The following R3HCC1L variants were observed in gnomAD, a reference collection of about 807,000 sequenced individuals.
The protein encoded by R3HCC1L is R3H domain and coiled-coil containing 1 like, also known as coiled-coil domain-containing protein R3HCC1L.
A neutral mutation model predicts 59.9 loss-of-function variants in R3HCC1L; 51 were observed. The ratio of observed to expected loss-of-function variants is 0.85; its 90% confidence interval spans 0.68 to 1.07. The LOEUF (loss-of-function observed/expected upper bound fraction) is 1.07. Ranked by LOEUF, R3HCC1L falls within the 50% of genes least tolerant of loss-of-function variation. The pLI, the probability that R3HCC1L is intolerant of heterozygous loss-of-function variation, is 0.00. For missense variants in R3HCC1L, 965 were observed against 933.0 expected (o/e 1.03, Z -0.45); for synonymous variants, 322 against 315.2 (o/e 1.02, Z -0.23).
intron 4 of R3HCC1L, among the ~76,000 whole-genome samples, chr10:98,207,777 G>A (rs1286953446): frequency 6.6e-6 from 1 of 151,880 alleles, no homozygotes; most frequent in Non-Finnish European, 1.5e-5. Context: ...GACAAAGGTG[G>A]GTAGATTGCC....
At chr10:98,216,085 T>C (rs1181836845) in intron 5 of R3HCC1L, among the ~76,000 whole-genome samples, 1 of 152,234 alleles carries the variant, frequency 6.6e-6, no homozygotes, top group East Asian at 1.9e-4. Context: ...TTTGAAATTT[T>C]GTTTTCTTTT....
At chr10:98,224,257 G>A (rs1041041037) in intron 5 of R3HCC1L, among the ~76,000 whole-genome samples, 3 of 152,028 alleles carry the variant, frequency 2.0e-5, no homozygotes, top group East Asian at 1.9e-4. Context: ...GCATAATGTG[G>A]CATATTTTTT....
rs1846357117 is a variant in R3HCC1L, at chr10:98,152,766, C to T, written c.-267-3327C>T. Among the ~76,000 whole-genome samples, 4 of 149,476 alleles carry T rather than the reference C, an allele frequency of 2.7e-5. 2 individuals carry two copies. In the Admixed American group the frequency reaches 2.7e-4, roughly 10 times the overall value. ...CCCCTCCGCCTGGCAGCCGCCCCGTCTGAGAAGTGAGGAGCCCCTCCGCCC... is the reference window on the plus strand; with the variant it reads ...CCCCTCCGCCTGGCAGCCGCCCCGTTTGAGAAGTGAGGAGCCCCTCCGCCC... On this transcript the variant is annotated intron_variant, in intron 1 of 9. Coordinates refer to ENST00000298999, the MANE Select transcript of R3HCC1L (RefSeq NM_001351015.2).
At chr10:98,150,877 A>G (rs181042677) in intron 1 of R3HCC1L, among the ~76,000 whole-genome samples, 179 of 152,218 alleles carry the variant, frequency 1.2e-3, no homozygotes, top group African/African-American at 4.0e-3. Flanking sequence ...AACTGCCTGT[A>G]ATTTGAGGCA....
rs2135278274 is a variant in R3HCC1L, at chr10:98,209,615, T to A, written c.1501T>A (p.Ser501Thr). Residue 501 changes from serine to threonine, a missense_variant, in exon 5 of 10, where the codon TCA becomes ACA. Physicochemically the swap from Ser to Thr is moderately conservative, Grantham distance 58. Transcript: ENST00000298999. ...TATGTTAAATGGGACAAAAGTTCTT[T>A]CAGACAGTGCCGTGGGCATTGACCT... Reference protein sequence around the residue: ...LSMLNGTKVLSDSAVGIDLGS... With the variant: ...LSMLNGTKVLTDSAVGIDLGS... 6.2e-7 allele frequency: 1 copy of A among 1,614,074 alleles called. No homozygotes were observed. Among genetic ancestry groups the A allele is most frequent in the East Asian group, 2.2e-5 (1 of 44,854 alleles).
At chr10:98,235,132 AAGC>A (rs1176392718) in intron 7 of R3HCC1L, among the ~76,000 whole-genome samples, 1 of 152,218 alleles carries the variant, frequency 6.6e-6, no homozygotes, top group African/African-American at 2.4e-5. Context: ...TGGAGCAAGA[AAGC>A]AGCCATAGAC....
chr10:98,146,611 G>C (rs1255960027), intron 1 of R3HCC1L, among the ~76,000 whole-genome samples: 2 of 152,104 alleles, frequency 1.3e-5, no homozygotes, highest in African/African-American at 4.8e-5. Flanking sequence ...ATGACCTCTA[G>C]TTCCATTTAT....
chr10:98,161,899 C>T (rs1323663789), intron 2 of R3HCC1L, among the ~76,000 whole-genome samples: 1 of 152,066 alleles, frequency 6.6e-6, no homozygotes, highest in Non-Finnish European at 1.5e-5. Context: ...TTTTCTGTCT[C>T]AATGAAAAAG....
At chr10:98,194,309 A>G (rs1247130236) in intron 4 of R3HCC1L, among the ~76,000 whole-genome samples, 1 of 152,180 alleles carries the variant, frequency 6.6e-6, no homozygotes, top group Non-Finnish European at 1.5e-5. Flanking sequence ...CATATACAAA[A>G]TTTAATTAAA....
Position 98,209,163 on chromosome 10 carries a change from C to G in R3HCC1L, c.1049C>G (p.Pro350Arg). 6.2e-7 allele frequency: 1 copy of G among 1,613,824 alleles called. No individual in the cohort carries two copies. The highest frequency in any genetic ancestry group is 8.5e-7 in the Non-Finnish European group (1 of 1,179,892). ...GAGTTACATGTAAAGCACGAACCTC[C>G]TGATACAGCTGTCCTTGCTCATGAA... The part of the protein sequence containing the change: ...ADELHVKHEP[P>R]DTAVLAHETH... Residue 350 changes from proline (P) to arginine (R), a missense_variant, in exon 5 of 10, where the codon CCT becomes CGT. Physicochemically the swap from Pro to Arg is moderately radical, Grantham distance 103. Coordinates refer to ENST00000298999, the MANE Select transcript of R3HCC1L (RefSeq NM_001351015.2).
chr10:98,204,989 T>C (rs575747292), intron 4 of R3HCC1L, among the ~76,000 whole-genome samples: 9 of 152,274 alleles, frequency 5.9e-5, no homozygotes, highest in East Asian at 1.9e-4. Context: ...CTGTGAGTTA[T>C]GAAAAAATGG....
rs577935574 is a variant in R3HCC1L, at chr10:98,166,305, C to T, written c.-15+2908C>T. 2.6e-4 allele frequency among the ~76,000 whole-genome samples: 40 copies of T among 152,292 alleles called. 1 individual carries two copies. The East Asian group carries it at 6.7e-3, about 26-fold the overall frequency. ...CTCCGGAACCAGGCCATGCTGGCAC[C>T]CTGATCTTGGACTTCTAGCTATTAG... is the stretch of plus-strand genomic sequence containing the variant. On this transcript the variant is annotated intron_variant, in intron 4 of 9. Transcript: ENST00000298999.
At chr10:98,192,657 CT>C (rs1443965373) in intron 4 of R3HCC1L, among the ~76,000 whole-genome samples, 1 of 152,114 alleles carries the variant, frequency 6.6e-6, no homozygotes, top group Non-Finnish European at 1.5e-5. Context: ...CAAAAATCTC[CT>C]AGCAAAGAAA....
At chr10:98,199,543 T>G (rs1473067957) in intron 4 of R3HCC1L, among the ~76,000 whole-genome samples, 2 of 152,056 alleles carry the variant, frequency 1.3e-5, no homozygotes, top group African/African-American at 4.8e-5. Context: ...TCTTTATAAT[T>G]CTTTTTCCTG....
At chr10:98,163,128 A>G (rs1258680882) in intron 3 of R3HCC1L, among the ~76,000 whole-genome samples, 153 bp downstream of exon 3, 2 of 152,202 alleles carry the variant, frequency 1.3e-5, no homozygotes, top group Admixed American at 1.3e-4. Flanking sequence ...ATGAGCTTCT[A>G]AAAAGTGCTT....
At chr10:98,229,813 A>T (rs905621475) in intron 5 of R3HCC1L, among the ~76,000 whole-genome samples, 1 of 151,948 alleles carries the variant, frequency 6.6e-6, no homozygotes, top group African/African-American at 2.4e-5. Context: ...TTTGTCAAAG[A>T]CCTTTTCTGC....
chr10:98,225,402 C>G (rs1855559920), intron 5 of R3HCC1L, among the ~76,000 whole-genome samples: 2 of 152,154 alleles, frequency 1.3e-5, no homozygotes, highest in Admixed American at 6.5e-5. Flanking sequence ...TTCTTTCTGT[C>G]AAGTTCTCTT....
intron 1 of R3HCC1L, among the ~76,000 whole-genome samples, chr10:98,148,390 C>T (rs1845857125): frequency 6.6e-6 from 1 of 152,022 alleles, no homozygotes; most frequent in Non-Finnish European, 1.5e-5. Flanking sequence ...TTTCTCTTGC[C>T]TTATTGCTCT....
At chr10:98,195,463 A>G (rs574482264) in intron 4 of R3HCC1L, among the ~76,000 whole-genome samples, 4 of 150,130 alleles carry the variant, frequency 2.7e-5, no homozygotes, top group Admixed American at 6.6e-5. Context: ...TTTTTTTACT[A>G]CAGAAAATGC....
Sources: allele counts gnomAD v4.1 joint callset (sites outside exome capture counted in the v4.1 genomes callset), GRCh38; gene constraint gnomAD v4.1.1; transcripts MANE v1.5; gene names NCBI Gene and HGNC (gene_info 2026-07-23, HGNC 2026-07-21).